Variants in THRB observed in about 807,000 individuals in gnomAD.
THRB encodes thyroid hormone receptor beta, also known as nuclear receptor subfamily 1 group A member 2.
In THRB, 12 loss-of-function variants were observed where a neutral mutation model predicts 47.8. The ratio of observed to expected loss-of-function variants is 0.25; its 90% confidence interval spans 0.16 to 0.41. The LOEUF (loss-of-function observed/expected upper bound fraction) is 0.41, where lower values mean the gene tolerates loss of function less well. Ranked by LOEUF, THRB falls within the 10% of genes least tolerant of loss-of-function variation. THRB has a pLI of 1.00. For missense variants in THRB, 348 were observed against 589.2 expected (o/e 0.59, Z 4.24); for synonymous variants, 218 against 212.2 (o/e 1.03, Z -0.24).
At chr3:24,386,993 C>T (rs1177895115) in intron 1 of THRB, among the ~76,000 whole-genome samples, 1 of 152,074 alleles carries the variant, frequency 6.6e-6, no homozygotes, top group East Asian at 1.9e-4. Context: ...TCATTATTAT[C>T]CACCTCAAGA....
At chr3:24,239,638 G>A (rs75860911) in intron 3 of THRB, among the ~76,000 whole-genome samples, 3,940 of 152,188 alleles carry the variant, frequency 0.026, 140 homozygotes, top group African/African-American at 0.09. Flanking sequence ...CAGGGAGCTA[G>A]GATGGGTAGG....
At chr3:24,146,923 G>T in intron 6 of THRB, 101 bp from the exon 7 acceptor site, 2 of 1,065,604 alleles carry the variant, frequency 1.9e-6, no homozygotes, top group African/African-American at 1.6e-5. Flanking sequence ...AATCGTTTTG[G>T]ACCTTAACCT....
At chr3:24,455,655 G>T (rs571518559) in intron 1 of THRB, among the ~76,000 whole-genome samples, 1 of 152,092 alleles carries the variant, frequency 6.6e-6, no homozygotes, top group Non-Finnish European at 1.5e-5. Context: ...CTTGACTACC[G>T]CCCCTTTCCA....
chr3:24,277,845 G>C (rs1407449794), intron 3 of THRB, among the ~76,000 whole-genome samples: 1 of 152,170 alleles, frequency 6.6e-6, no homozygotes, highest in Non-Finnish European at 1.5e-5. Context: ...CAGTCTCTAA[G>C]ATTCAAGCTT....
At chr3:24,203,243 T>C (rs918329039) in intron 4 of THRB, among the ~76,000 whole-genome samples, 2 of 152,042 alleles carry the variant, frequency 1.3e-5, no homozygotes, top group African/African-American at 4.8e-5. Flanking sequence ...CAAAACCCCA[T>C]CTCTACCAAA....
chr3:24,329,459 T>C (rs2061781964), intron 2 of THRB, among the ~76,000 whole-genome samples: 1 of 152,230 alleles, frequency 6.6e-6, no homozygotes, highest in African/African-American at 2.4e-5. Flanking sequence ...CATTGTTCTA[T>C]TGATCTCTCA....
At chr3:24,261,497 CAA>C (rs35109952) in intron 3 of THRB, among the ~76,000 whole-genome samples, 1,989 of 88,284 alleles carry the variant, frequency 0.023, 8 homozygotes, top group African/African-American at 0.029. Context: ...GATTCTGTCT[CAA>C]AAAAAAAAAA....
intron 1 of THRB, among the ~76,000 whole-genome samples, chr3:24,393,684 C>T (rs1180881253): frequency 7.9e-5 from 12 of 152,080 alleles, no homozygotes; most frequent in Non-Finnish European, 1.5e-4. Flanking sequence ...GAAATGCTGA[C>T]GTATCAGCAA....
chr3:24,169,944 T>C (rs1369870149), intron 5 of THRB, among the ~76,000 whole-genome samples: 3 of 152,114 alleles, frequency 2.0e-5, no homozygotes, highest in Non-Finnish European at 4.4e-5. Flanking sequence ...ACCTGGTATT[T>C]TGGAGAAAAA....
chr3:24,181,058 T>G (rs566958139), intron 5 of THRB, among the ~76,000 whole-genome samples: 1 of 152,322 alleles, frequency 6.6e-6, no homozygotes, highest in East Asian at 1.9e-4. Flanking sequence ...TTGGATAGCC[T>G]GAAGACTCCT....
chr3:24,277,842 T>A (rs1054764796), intron 3 of THRB, among the ~76,000 whole-genome samples: 1 of 152,220 alleles, frequency 6.6e-6, no homozygotes, highest in Non-Finnish European at 1.5e-5. Flanking sequence ...TGGCAGTCTC[T>A]AAGATTCAAG....
At chr3:24,420,679 T>C (rs899283887) in intron 1 of THRB, among the ~76,000 whole-genome samples, 41 of 151,842 alleles carry the variant, frequency 2.7e-4, no homozygotes, top group African/African-American at 9.9e-4. Flanking sequence ...AGAATGGCTA[T>C]TATTAAAAAG....
chr3:24,325,550 G>A (rs940212968), intron 2 of THRB, among the ~76,000 whole-genome samples: 1 of 152,196 alleles, frequency 6.6e-6, no homozygotes, highest in South Asian at 2.1e-4. Context: ...AGCTGGGTGT[G>A]GTGGTGCCTG....
At chr3:24,464,692 T>C (rs944316973) in intron 1 of THRB, among the ~76,000 whole-genome samples, 17 of 152,224 alleles carry the variant, frequency 1.1e-4, no homozygotes, top group Admixed American at 4.6e-4. Flanking sequence ...TCACACTTTT[T>C]TTGTATTTGT....
chr3:24,321,378 T>C (rs1281090895), intron 2 of THRB, among the ~76,000 whole-genome samples: 5 of 152,188 alleles, frequency 3.3e-5, no homozygotes, highest in East Asian at 3.8e-4. Flanking sequence ...TTATGAATTT[T>C]TGAAAGAATA....
intron 1 of THRB, among the ~76,000 whole-genome samples, chr3:24,427,507 T>C (rs73150375): frequency 0.017 from 2,572 of 152,112 alleles, 78 homozygotes; most frequent in African/African-American, 0.058. Flanking sequence ...TTAATTTGAA[T>C]GGATGCTTAG....
chr3:24,273,464 A>G (rs1295167733), intron 3 of THRB, among the ~76,000 whole-genome samples: 3 of 152,234 alleles, frequency 2.0e-5, no homozygotes, highest in Non-Finnish European at 4.4e-5. Flanking sequence ...AATAATTAGA[A>G]TAAATTGTGC....
intron 1 of THRB, among the ~76,000 whole-genome samples, chr3:24,388,528 G>T (rs114966566): frequency 3.3e-5 from 5 of 152,152 alleles, no homozygotes; most frequent in African/African-American, 1.2e-4. Context: ...ATTCATGGGG[G>T]TAAAACACTG....
chr3:24,444,280 A>C (rs1347130207), intron 1 of THRB, among the ~76,000 whole-genome samples: 1 of 152,164 alleles, frequency 6.6e-6, no homozygotes, highest in East Asian at 1.9e-4. Flanking sequence ...TTATAAATAA[A>C]ACTCAGGAGA....
Sources: allele counts gnomAD v4.1 joint callset (sites outside exome capture counted in the v4.1 genomes callset), GRCh38; gene constraint gnomAD v4.1.1; transcripts MANE v1.5; gene names NCBI Gene and HGNC (gene_info 2026-07-23, HGNC 2026-07-21).